Variants in LMO7 observed in about 807,000 individuals in gnomAD.
LMO7 encodes the protein LIM domain 7.
A neutral mutation model predicts 206.5 loss-of-function variants in LMO7; 120 were observed. The observed-to-expected ratio is 0.58, with a 90% CI of 0.50 to 0.68. LMO7 has a LOEUF of 0.68. Among genes scored for constraint, LMO7 ranks in the 30% least tolerant of loss-of-function variants. The pLI is 0.00. For missense variants in LMO7, 1,959 were observed against 1,957.9 expected (o/e 1.00, Z -0.01); for synonymous variants, 706 against 681.5 (o/e 1.04, Z -0.56).
chr13:75,698,802 T>A (rs897948383), intron 1 of LMO7, among the ~76,000 whole-genome samples: 107 of 152,184 alleles, frequency 7.0e-4, no homozygotes, highest in African/African-American at 2.5e-3. Context: ...ATAAATTTTT[T>A]AAAAAAACAT....
intron 4 of LMO7, among the ~76,000 whole-genome samples, chr13:75,774,371 A>G (rs2050117277): frequency 6.6e-6 from 1 of 152,094 alleles, no homozygotes; most frequent in Admixed American, 6.6e-5. Context: ...CATGTTGAGT[A>G]ATTCCTTATT....
chr13:75,710,981 C>G (rs1331939863), intron 1 of LMO7, among the ~76,000 whole-genome samples: 1 of 152,066 alleles, frequency 6.6e-6, no homozygotes. Flanking sequence ...CCATCAATAC[C>G]TAATTTATTG....
At chr13:75,760,467 T>A in intron 3 of LMO7, 1 of 1,216,536 alleles carries the variant, frequency 8.2e-7, no homozygotes. Context: ...TTTGTAATCA[T>A]AGAAACAGAA....
chr13:75,744,623 T>C (rs1257340348), intron 3 of LMO7, among the ~76,000 whole-genome samples: 1 of 152,222 alleles, frequency 6.6e-6, no homozygotes, highest in Non-Finnish European at 1.5e-5. Flanking sequence ...GGAAATAGAA[T>C]CCAAGGTGTA....
At chr13:75,653,630 G>T (rs1000441762) in intron 1 of LMO7, among the ~76,000 whole-genome samples, 4 of 152,200 alleles carry the variant, frequency 2.6e-5, no homozygotes, top group Admixed American at 2.6e-4. Context: ...TGGACCTGTA[G>T]CTTCTGGAGG....
chr13:75,631,006 A>G lies in LMO7; in HGVS notation c.225+7686A>G, dbSNP rs546144863. ...TTTAACTCTTTCCCTGTGCCACTGA[A>G]TGTCCTTTTACTTTTTATTATTATT... On this transcript the variant is annotated intron_variant, in intron 2 of 29. Coordinates refer to the LMO7 transcript ENST00000341547. Among the ~76,000 whole-genome samples, 3 of 151,596 alleles carry G rather than the reference A, an allele frequency of 2.0e-5. No homozygotes were observed. In the East Asian group the frequency reaches 5.9e-4, roughly 30 times the overall value.
chr13:75,626,595 A>ATTTTTTTTTTTTTTT (rs1240937141), intron 2 of LMO7, among the ~76,000 whole-genome samples: 30 of 71,160 alleles, frequency 4.2e-4, no homozygotes, highest in Non-Finnish European at 6.5e-4. Context: ...ATATATATAA[A>ATTTTTTTTTTTTTTT]TTTTTTTGAG....
At chr13:75,805,060 A>G (rs1320017085) in intron 8 of LMO7, 12 of 1,003,540 alleles carry the variant, frequency 1.2e-5, no homozygotes, top group Non-Finnish European at 1.3e-5. Context: ...AGGCCCCAGA[A>G]TTTCATCTCG....
intron 2 of LMO7, among the ~76,000 whole-genome samples, chr13:75,718,793 A>G (rs1040154205): frequency 3.3e-5 from 5 of 152,104 alleles, no homozygotes; most frequent in Admixed American, 2.0e-4. Flanking sequence ...TGCTCCTCCT[A>G]TTCATCCCTC....
At chr13:75,660,927 A>G (rs2038532154) in intron 1 of LMO7, among the ~76,000 whole-genome samples, 1 of 152,202 alleles carries the variant, frequency 6.6e-6, no homozygotes, top group South Asian at 2.1e-4. Context: ...CTTTGGCAAC[A>G]GAATTTAGAA....
intron 1 of LMO7, among the ~76,000 whole-genome samples, chr13:75,689,440 C>T (rs546332633): frequency 6.6e-6 from 1 of 152,002 alleles, no homozygotes; most frequent in African/African-American, 2.4e-5. Flanking sequence ...GTAGAGCATA[C>T]TGTGATGGTT....
chr13:75,812,239 A>G (rs1490285525), intron 11 of LMO7, among the ~76,000 whole-genome samples: 1 of 152,172 alleles, frequency 6.6e-6, no homozygotes, highest in Non-Finnish European at 1.5e-5. Flanking sequence ...CTACTGAGGA[A>G]CCCTCATTGA....
intron 1 of LMO7, among the ~76,000 whole-genome samples, chr13:75,681,502 A>G (rs1413355416): frequency 6.6e-6 from 1 of 151,808 alleles, no homozygotes; most frequent in Non-Finnish European, 1.5e-5. Context: ...ACAAATGCAT[A>G]CAATTATGTA....
At position 75,859,372 on chromosome 13, in the gene LMO7, CTG is replaced by C. The variant is rs1228267761; in HGVS notation, c.*1433_*1434del. The C allele has an allele frequency of 2.0e-5, 3 of 152,122 alleles. No individual in the cohort carries two copies. Among genetic ancestry groups the C allele is most frequent in the African/African-American group, 4.8e-5 (2 of 41,422 alleles). The allele number at this position is 152,122 out of a possible 1,614,324, so 9.4% of individuals were successfully genotyped here. On this transcript the variant is annotated 3_prime_UTR_variant, in exon 31 of 31. Transcript: ENST00000377534. Reference sequence around the variant, plus strand: ...ATCCCAAATTCCAAAGACAAGAACTCTGTGTTTGAATTCATTCTGCATATAAT... The same window carrying C: ...ATCCCAAATTCCAAAGACAAGAACTCTGTTTGAATTCATTCTGCATATAAT...
chr13:75,848,466 T>TCTAA (rs922234314), intron 26 of LMO7, among the ~76,000 whole-genome samples: 1 of 151,936 alleles, frequency 6.6e-6, no homozygotes, highest in Non-Finnish European at 1.5e-5. Context: ...TATCTATCTA[T>TCTAA]CTAACTATCT....
chr13:75,792,767 T>C (rs973895112), intron 4 of LMO7, among the ~76,000 whole-genome samples: 1 of 152,194 alleles, frequency 6.6e-6, no homozygotes, highest in African/African-American at 2.4e-5. Flanking sequence ...ATTCCTGGCA[T>C]TGCATTTCAG....
intron 1 of LMO7, among the ~76,000 whole-genome samples, chr13:75,655,073 G>A (rs902327041): frequency 3.3e-5 from 5 of 152,102 alleles, no homozygotes; most frequent in Admixed American, 3.3e-4. Flanking sequence ...GTTTCACCAT[G>A]TTGGCCAGGC....
At chr13:75,644,647 G>T (rs1425160627) in intron 1 of LMO7, among the ~76,000 whole-genome samples, 2 of 151,920 alleles carry the variant, frequency 1.3e-5, no homozygotes, top group Non-Finnish European at 2.9e-5. Flanking sequence ...TTCTTTTTTA[G>T]AGACAGGGTC....
rs75755397 is a variant in LMO7 at position 75,825,418 on chromosome 13, G to A, written c.2949+1545G>A. ...CCCTCAGGGTGGCAGCTGACTAACT[G>A]CAACTGTGGATTAAGGAAAAGAGGC... On this transcript the variant is annotated intron_variant, in intron 15 of 30. Transcript: ENST00000377534. 7.6e-3 allele frequency among the ~76,000 whole-genome samples: 1,154 copies of A among 152,246 alleles called. 16 individuals are homozygous for A. Among genetic ancestry groups the A allele is most frequent in the African/African-American group, 0.025 (1,043 of 41,546 alleles).
Sources: allele counts gnomAD v4.1 joint callset (sites outside exome capture counted in the v4.1 genomes callset), GRCh38; gene constraint gnomAD v4.1.1; transcripts MANE v1.5; gene names NCBI Gene and HGNC (gene_info 2026-07-23, HGNC 2026-07-21).